Variants in COL24A1 observed in about 807,000 individuals in gnomAD.
COL24A1 encodes collagen alpha-1(XXIV) chain.
Under a neutral mutation model 253.9 loss-of-function variants are expected in COL24A1, and 224 were observed. The observed-to-expected ratio is 0.88, with a 90% CI of 0.79 to 0.99. The LOEUF is 0.99. Among genes scored for constraint, COL24A1 ranks in the 50% least tolerant of loss-of-function variants. The pLI is 0.00. For synonymous variants in COL24A1, 685 were observed against 673.7 expected (o/e 1.02, Z -0.26); for missense variants, 2,131 against 2,068.5 (o/e 1.03, Z -0.59).
intron 47 of COL24A1, among the ~76,000 whole-genome samples, chr1:85,796,939 G>A (rs1448426572): frequency 1.3e-5 from 2 of 151,860 alleles, no homozygotes; most frequent in Non-Finnish European, 2.9e-5. Flanking sequence ...GGTGGCTCAC[G>A]CCTGTAATCC....
intron 11 of COL24A1, among the ~76,000 whole-genome samples, chr1:86,049,795 G>T (rs1208478481): frequency 6.6e-6 from 1 of 151,754 alleles, no homozygotes; most frequent in Non-Finnish European, 1.5e-5. Flanking sequence ...GACCTGTCAA[G>T]AATTTATACT....
rs71078628 is a variant in COL24A1, at chr1:85,914,304, A to ATGTGTGTG, written c.2563-2879_2563-2872dup. Among the ~76,000 whole-genome samples the ATGTGTGTG allele has an allele frequency of 8.6e-3, 1,202 of 139,230 alleles. 2 individuals are homozygous for ATGTGTGTG. The highest frequency in any genetic ancestry group is 0.011 in the Non-Finnish European group (680 of 64,020). 91.3% of individuals were successfully genotyped at this position (139,230 alleles called of 152,430 possible). On this transcript the variant is annotated intron_variant, in intron 24 of 59. Coordinates refer to ENST00000370571, the MANE Select transcript of COL24A1 (RefSeq NM_152890.7). ...GTATTTCATCGTTATTTTGTCATGA[A>ATGTGTGTG]TGTGTGTGTGTGTGTGTGTGTGTGT...
intron 47 of COL24A1, among the ~76,000 whole-genome samples, chr1:85,811,650 C>T (rs1475180775): frequency 6.6e-6 from 1 of 152,114 alleles, no homozygotes; most frequent in Non-Finnish European, 1.5e-5. Flanking sequence ...ATAATAGCAT[C>T]CTAACATGTG....
At chr1:85,925,406 T>A (rs2103045552) in intron 24 of COL24A1, among the ~76,000 whole-genome samples, 1 of 152,250 alleles carries the variant, frequency 6.6e-6, no homozygotes, top group East Asian at 1.9e-4. Flanking sequence ...GGCATCACAC[T>A]ACCTGACTTC....
intron 2 of COL24A1, among the ~76,000 whole-genome samples, chr1:86,135,470 T>G (rs1241187196): frequency 1.3e-5 from 2 of 150,948 alleles, no homozygotes; most frequent in Non-Finnish European, 2.9e-5. Flanking sequence ...TATTGAATCA[T>G]TGTTGTCTTC....
intron 53 of COL24A1, among the ~76,000 whole-genome samples, chr1:85,763,505 T>C (rs960995157): frequency 1.9e-4 from 28 of 150,250 alleles, no homozygotes; most frequent in African/African-American, 6.6e-4. Flanking sequence ...TTTTTTTTTT[T>C]TTTTGAGACG....
intron 57 of COL24A1, among the ~76,000 whole-genome samples, chr1:85,742,216 T>G (rs1420189568): frequency 1.3e-5 from 2 of 150,908 alleles, no homozygotes; most frequent in African/African-American, 4.9e-5. Context: ...CACTGCAATC[T>G]CGGCCTCCTG....
rs571583322 is a variant in COL24A1, at chr1:85,755,108, A to G, written c.4437+6288T>C. ...CAACCAGATTAACAGCTAATTTCCC[A>G]TAAAAAACCATAAAGGTGAGCAGGC... On this transcript the variant is annotated intron_variant, in intron 55 of 59. Coordinates refer to ENST00000370571, the MANE Select transcript of COL24A1 (RefSeq NM_152890.7). Among the ~76,000 whole-genome samples the G allele has an allele frequency of 5.3e-5, 8 of 152,328 alleles. No individual in the cohort carries two copies. In the East Asian group the frequency reaches 5.8e-4, roughly 11 times the overall value.
At chr1:85,772,588 T>C (rs1430761753) in intron 53 of COL24A1, among the ~76,000 whole-genome samples, 1 of 152,080 alleles carries the variant, frequency 6.6e-6, no homozygotes, top group Non-Finnish European at 1.5e-5. Context: ...GGTGTCTCAT[T>C]GTGGTTTTGA....
At chr1:86,111,473 A>G (rs1705595310) in intron 5 of COL24A1, among the ~76,000 whole-genome samples, 1 of 152,118 alleles carries the variant, frequency 6.6e-6, no homozygotes, top group Non-Finnish European at 1.5e-5. Context: ...ACCAATCAGC[A>G]CTCTGTGTCT....
chr1:85,789,388 G>T (rs529669275), intron 47 of COL24A1, among the ~76,000 whole-genome samples: 2 of 152,262 alleles, frequency 1.3e-5, no homozygotes, highest in African/African-American at 4.8e-5. Flanking sequence ...GGGAATGCTT[G>T]TGGTTTCTGA....
intron 7 of COL24A1, among the ~76,000 whole-genome samples, chr1:86,082,602 T>C (rs915835066): frequency 2.1e-5 from 2 of 94,114 alleles, no homozygotes; most frequent in African/African-American, 4.1e-5. Flanking sequence ...ATTTACGTAA[T>C]ATATAAATAT....
chr1:85,790,896 A>T (rs1670204905), intron 47 of COL24A1, among the ~76,000 whole-genome samples: 1 of 152,168 alleles, frequency 6.6e-6, no homozygotes, highest in Non-Finnish European at 1.5e-5. Context: ...ACAGTCAGAA[A>T]AATTGGAAAA....
Position 86,022,591 on chromosome 1 carries a change from C to A in COL24A1, c.2149G>T (p.Gly717Cys). The change falls in exon 17 of 60, where the codon GGT becomes TGT. Residue 717 changes from glycine to cysteine, a missense_variant and splice_region_variant. Gly to Cys is a radical substitution (Grantham distance 159). Coordinates refer to ENST00000370571, the MANE Select transcript of COL24A1 (RefSeq NM_152890.7). ...AGCTCTCCTGCTGTGCCTTGTTCACCCTGGAAAGCACAATTTCATGCAAAG... is the reference window on the plus strand; with the variant it reads ...AGCTCTCCTGCTGTGCCTTGTTCACACTGGAAAGCACAATTTCATGCAAAG... ...KGLPGIKGDK[G>C]EQGTAGELGE... 2 of 1,611,452 alleles carry A rather than the reference C, an allele frequency of 1.2e-6. No individual in the cohort carries two copies. Among genetic ancestry groups the A allele is most frequent in the Non-Finnish European group, 1.7e-6 (2 of 1,179,060 alleles).
At chr1:86,119,205 A>G (rs1706457588) in intron 3 of COL24A1, among the ~76,000 whole-genome samples, 1 of 152,232 alleles carries the variant, frequency 6.6e-6, no homozygotes, top group East Asian at 1.9e-4. Flanking sequence ...CGAAAGGATC[A>G]TAACCACAAA....
chr1:85,733,430 G>A (rs1431159252), intron 59 of COL24A1, among the ~76,000 whole-genome samples: 1 of 152,172 alleles, frequency 6.6e-6, no homozygotes, highest in Non-Finnish European at 1.5e-5. Context: ...TAGATAATAA[G>A]TAAATGAATT....
intron 10 of COL24A1, among the ~76,000 whole-genome samples, chr1:86,057,490 AATGGG>A (rs1383991616): frequency 2.0e-5 from 3 of 152,162 alleles, no homozygotes; most frequent in Non-Finnish European, 2.9e-5. Flanking sequence ...TTGGGAGTGA[AATGGG>A]ATGTTCTGGA....
intron 20 of COL24A1, among the ~76,000 whole-genome samples, chr1:85,982,684 T>C (rs1007433743): frequency 6.6e-6 from 1 of 152,054 alleles, no homozygotes; most frequent in Non-Finnish European, 1.5e-5. Flanking sequence ...TTATCATATG[T>C]TGCCCAGTTA....
chr1:85,990,644 G>T (rs1405207420), intron 19 of COL24A1, among the ~76,000 whole-genome samples: 1 of 152,170 alleles, frequency 6.6e-6, no homozygotes, highest in East Asian at 1.9e-4. Flanking sequence ...AAACAAGAAA[G>T]CTTTCGAAGG....
Sources: allele counts gnomAD v4.1 joint callset (sites outside exome capture counted in the v4.1 genomes callset), GRCh38; gene constraint gnomAD v4.1.1; transcripts MANE v1.5; gene names NCBI Gene and HGNC (gene_info 2026-07-23, HGNC 2026-07-21).